DACH1: variants seen among roughly 807,000 people sequenced by gnomAD.
The protein encoded by DACH1 is dachshund family transcription factor 1.
Under a neutral mutation model 54.2 loss-of-function variants are expected in DACH1, and 12 were observed. That is an observed-to-expected ratio of 0.22 (90% confidence interval 0.14 to 0.36). DACH1 has a LOEUF of 0.36. Among genes scored for constraint, DACH1 ranks in the 10% least tolerant of loss-of-function variants. The pLI is 1.00. For missense variants in DACH1, 805 were observed against 929.8 expected (o/e 0.87, Z 1.75); for synonymous variants, 386 against 366.2 (o/e 1.05, Z -0.62).
intron 10 of DACH1, among the ~76,000 whole-genome samples, chr13:71,442,411 T>A (rs1874087617): frequency 6.6e-6 from 1 of 152,206 alleles, no homozygotes. Context: ...ATTGCGTATG[T>A]GTACACCATT....
chr13:71,511,027 A>C lies in DACH1; in HGVS notation c.1571-21879T>G, dbSNP rs564800564. Among the ~76,000 whole-genome samples, 9 of 152,092 alleles carry C rather than the reference A, an allele frequency of 5.9e-5. No individual in the cohort carries two copies. The East Asian group carries it at 1.7e-3, about 29-fold the overall frequency. On this transcript the variant is annotated intron_variant, in intron 6 of 10. Coordinates refer to ENST00000613252, the MANE Select transcript of DACH1 (RefSeq NM_080759.6). The stretch of plus-strand genomic sequence containing the variant: ...ATAATGTTTATACAAATTCATTACT[A>C]TGTTTTTGTTTTTGCTTTTTTCTAC...
intron 1 of DACH1, among the ~76,000 whole-genome samples, chr13:71,857,570 C>G (rs946585618): frequency 1.3e-5 from 2 of 151,514 alleles, no homozygotes; most frequent in Non-Finnish European, 3.0e-5. Context: ...TGAGCTAATG[C>G]TAATACATAT....
chr13:71,522,060 CTGTT>C (rs1011521429), intron 6 of DACH1, among the ~76,000 whole-genome samples: 9 of 152,082 alleles, frequency 5.9e-5, no homozygotes, highest in Non-Finnish European at 1.0e-4. Flanking sequence ...TTGTTCTACT[CTGTT>C]TGTGGAAGAA....
At chr13:71,589,685 ATATGAG>A (rs1873552938) in intron 3 of DACH1, among the ~76,000 whole-genome samples, 1 of 151,984 alleles carries the variant, frequency 6.6e-6, no homozygotes, top group Non-Finnish European at 1.5e-5. Flanking sequence ...AAAAGACCTG[ATATGAG>A]TATAATACTA....
chr13:71,626,726 A>G (rs1876672616), intron 3 of DACH1, among the ~76,000 whole-genome samples: 1 of 152,064 alleles, frequency 6.6e-6, no homozygotes, highest in South Asian at 2.1e-4. Context: ...AGTGCATATC[A>G]TCTGTCTCAG....
chr13:71,444,231 G>T (rs976021628), intron 10 of DACH1, among the ~76,000 whole-genome samples: 1 of 152,008 alleles, frequency 6.6e-6, no homozygotes, highest in African/African-American at 2.4e-5. Flanking sequence ...ACATTGATTT[G>T]TTTAAAAATC....
intron 1 of DACH1, among the ~76,000 whole-genome samples, chr13:71,738,714 AG>A (rs1884246683): frequency 7.7e-6 from 1 of 129,234 alleles, no homozygotes; most frequent in African/African-American, 2.7e-5. Context: ...TCTGGGCAAC[AG>A]AGCGAGACTC....
At chr13:71,443,010 A>T (rs1241109690) in intron 10 of DACH1, among the ~76,000 whole-genome samples, 1 of 149,488 alleles carries the variant, frequency 6.7e-6, no homozygotes, top group Non-Finnish European at 1.5e-5. Flanking sequence ...TTAAAAATAT[A>T]GATTTCATAT....
In DACH1 at chr13:71,543,933, C is replaced by G. The variant is rs1234465241; in HGVS notation, c.1570+13091G>C. 2.6e-5 allele frequency among the ~76,000 whole-genome samples: 4 copies of G among 152,240 alleles called. No homozygotes were observed. In the East Asian group the frequency reaches 7.7e-4, roughly 29 times the overall value. ...CGAGAGTGATTTACCACATATCTTT[C>G]TCTAGAATTGTCCCACCTTACCACT... On this transcript the variant is annotated intron_variant, in intron 6 of 10. Transcript: ENST00000613252.
intron 3 of DACH1, among the ~76,000 whole-genome samples, chr13:71,628,253 T>G (rs1038291599): frequency 6.6e-6 from 1 of 152,034 alleles, no homozygotes; most frequent in Non-Finnish European, 1.5e-5. Context: ...CCTTCACCAC[T>G]GCTTTGTACC....
At chr13:71,636,662 T>A (rs1877511872) in intron 2 of DACH1, among the ~76,000 whole-genome samples, 1 of 151,684 alleles carries the variant, frequency 6.6e-6, no homozygotes, top group Non-Finnish European at 1.5e-5. Context: ...TAATAAGTCA[T>A]ATATTGTGTT....
intron 2 of DACH1, among the ~76,000 whole-genome samples, chr13:71,674,720 T>C (rs1293967102): frequency 2.8e-4 from 1 of 3,510 alleles, no homozygotes; most frequent in Admixed American, 3.3e-3. Context: ...GGTAATTTGT[T>C]ACGGCAGGCA....
intron 2 of DACH1, among the ~76,000 whole-genome samples, chr13:71,638,446 A>G (rs1406229449): frequency 1.3e-5 from 2 of 152,218 alleles, no homozygotes; most frequent in Non-Finnish European, 2.9e-5. Context: ...GGGGCACATC[A>G]TTTAAAACCT....
intron 6 of DACH1, among the ~76,000 whole-genome samples, chr13:71,529,496 T>G (rs1397395981): frequency 2.0e-5 from 3 of 152,152 alleles, no homozygotes; most frequent in African/African-American, 7.2e-5. Flanking sequence ...TGGGTAGTTT[T>G]TATTGGTCTA....
In DACH1 at chr13:71,604,352, T is replaced by C. The variant is rs200578819; in HGVS notation, c.1126+26204A>G. On this transcript the variant is annotated intron_variant, in intron 3 of 10. Transcript: ENST00000613252. ...TGAACTAAGTATCCTAACAGATAAA[T>C]AAAAACAGACAAGCTAAATTTTTCA... Among the ~76,000 whole-genome samples the C allele has an allele frequency of 2.0e-5, 3 of 151,986 alleles. No individual in the cohort carries two copies. The East Asian group carries it at 5.8e-4, about 29-fold the overall frequency.
chr13:71,484,038 A>C (rs1878279449), intron 7 of DACH1, among the ~76,000 whole-genome samples: 1 of 152,182 alleles, frequency 6.6e-6, no homozygotes. Context: ...TCAGTCTTAT[A>C]CTTAATTCTT....
intron 1 of DACH1, among the ~76,000 whole-genome samples, chr13:71,813,955 C>G (rs189326433): frequency 1.7e-3 from 263 of 152,172 alleles, no homozygotes; most frequent in Admixed American, 3.3e-3. Context: ...AGCCCTCAAG[C>G]CAAGGAGTGT....
chr13:71,777,114 C>T (rs1021991429), intron 1 of DACH1, among the ~76,000 whole-genome samples: 2 of 152,182 alleles, frequency 1.3e-5, no homozygotes, highest in Non-Finnish European at 2.9e-5. Flanking sequence ...ACAACAATCA[C>T]CCTCTTGTTG....
chr13:71,547,177 C>T (rs985357478), intron 6 of DACH1, among the ~76,000 whole-genome samples: 8 of 152,088 alleles, frequency 5.3e-5, no homozygotes, highest in African/African-American at 1.9e-4. Flanking sequence ...CTGGAAGAAG[C>T]TCTGTTCATT....
Sources: allele counts gnomAD v4.1 joint callset (sites outside exome capture counted in the v4.1 genomes callset), GRCh38; gene constraint gnomAD v4.1.1; transcripts MANE v1.5; gene names NCBI Gene and HGNC (gene_info 2026-07-23, HGNC 2026-07-21).